The following SLC2A8 variants were observed in gnomAD, a reference collection of about 807,000 sequenced individuals.
SLC2A8 encodes the protein solute carrier family 2 member 8.
Under a neutral mutation model 49.2 loss-of-function variants are expected in SLC2A8, and 53 were observed. The ratio of observed to expected loss-of-function variants is 1.08; its 90% CI spans 0.86 to 1.35. The LOEUF is 1.35. SLC2A8 is among the 40% of genes most tolerant of loss of function. SLC2A8 has a pLI of 0.00. For synonymous variants in SLC2A8, 299 were observed against 297.0 expected (o/e 1.01, Z -0.07); for missense variants, 688 against 671.7 (o/e 1.02, Z -0.27).
intron 4 of SLC2A8, 108 bp downstream of exon 4, chr9:127,400,114 C>T: frequency 1.1e-6 from 1 of 874,424 alleles, no homozygotes; most frequent in Non-Finnish European, 1.8e-6. Flanking sequence ...GGTCACATAG[C>T]CAGTGCCCAA....
chr9:127,397,212 A>T lies in SLC2A8; in HGVS notation c.-19A>T. On this transcript the variant is annotated 5_prime_UTR_variant, in exon 1 of 10. Coordinates refer to ENST00000373371, the MANE Select transcript of SLC2A8 (RefSeq NM_014580.5). ...GCGGTTCAGGCGCCAGAGCTGGCCG[A>T]TCGGCGTTGGCCGCCGACATGACGC... 2.7e-6 allele frequency: 4 copies of T among 1,454,808 alleles called. No homozygotes were observed. Among genetic ancestry groups the T allele is most frequent in the Non-Finnish European group, 2.7e-6 (3 of 1,111,770 alleles). 90.1% of individuals were successfully genotyped at this position (1,454,808 alleles called of 1,614,324 possible).
intron 7 of SLC2A8, chr9:127,404,305 C>T: frequency 2.2e-6 from 1 of 444,534 alleles, no homozygotes; most frequent in East Asian, 3.9e-5. Flanking sequence ...ACTCTCACAG[C>T]CCCAGCTTAT....
At chr9:127,404,365 G>A (rs1833410531) in intron 7 of SLC2A8, 1 of 359,468 alleles carries the variant, frequency 2.8e-6, no homozygotes, top group Non-Finnish European at 5.1e-6. Context: ...GAGTTTGTGG[G>A]TCCTTTTGGA....
At position 127,403,567 on chromosome 9, in the gene SLC2A8, C is replaced by T. The variant is rs114774891; in HGVS notation, c.724-93C>T. 3,579 of 1,473,128 alleles carry T rather than the reference C, an allele frequency of 2.4e-3. 71 individuals are homozygous for T. In the African/African-American group the frequency reaches 0.044, roughly 18 times the overall value. 91.3% of individuals were successfully genotyped at this position (1,473,128 alleles called of 1,614,324 possible). On this transcript the variant is annotated intron_variant, in intron 5 of 9. Transcript: ENST00000373371. ...TGAGGAGCCAAGACGTGGGAGTCAG[C>T]GCTCCCCAAGCCTTAGGACAGTAGA...
rs754200885 is a variant in SLC2A8, at chr9:127,402,628, T to G, written c.598T>G (p.Cys200Gly). 7 of 1,598,188 alleles carry G rather than the reference T, an allele frequency of 4.4e-6. No individual in the cohort carries two copies. Among genetic ancestry groups the G allele is most frequent in the Middle Eastern group, 4.0e-4 (2 of 5,058 alleles). Residue 200 changes from cysteine (C) to glycine (G), a missense_variant, in exon 5 of 10, where the codon TGC becomes GGC. Transcript: ENST00000373371. Reference sequence around the variant, plus strand: ...CCCCTCCCTCATGCTGCTTCTCATGTGCTTCATGCCCGAGACCCCGCGCTT... The same window carrying G: ...CCCCTCCCTCATGCTGCTTCTCATGGGCTTCATGCCCGAGACCCCGCGCTT... Reference protein sequence around the residue: ...VPPSLMLLLMCFMPETPRFLL... With the variant: ...VPPSLMLLLMGFMPETPRFLL...
rs375422497 is a variant in SLC2A8 at position 127,397,998 on chromosome 9, G to T, written c.313G>T (p.Val105Leu). 6 of 1,557,356 alleles carry T rather than the reference G, an allele frequency of 3.9e-6. No homozygotes were observed. The highest frequency in any genetic ancestry group is 5.2e-6 in the Non-Finnish European group (6 of 1,158,616). The change falls in exon 3 of 10, where the codon GTG (valine) becomes TTG (leucine). Residue 105 changes from valine (V) to leucine (L), a missense_variant. Val to Leu is a conservative substitution (Grantham distance 32). Transcript: ENST00000373371. Reference protein sequence around the residue: ...GRKLSLLLCSVPFVAGFAVIT... With the variant: ...GRKLSLLLCSLPFVAGFAVIT... ...CAAGCTGAGCCTCTTGCTGTGCTCC[G>T]TGCCCTTCGTGGCCGGCTTTGCCGT...
intron 9 of SLC2A8, chr9:127,406,048 G>A (rs374791569): frequency 1.5e-5 from 8 of 518,982 alleles, no homozygotes; most frequent in Admixed American, 9.7e-5. Flanking sequence ...GCCTTCTCAC[G>A]GATGGACTGG....
At position 127,404,977 on chromosome 9, in the gene SLC2A8, G is replaced by A. The variant is rs1460143974; in HGVS notation, c.1136G>A (p.Cys379Tyr). 4 of 1,603,856 alleles carry A rather than the reference G, an allele frequency of 2.5e-6. No individual in the cohort carries two copies. Among genetic ancestry groups the A allele is most frequent in the Non-Finnish European group, 3.4e-6 (4 of 1,175,722 alleles). Residue 379 changes from cysteine (C) to tyrosine (Y), a missense_variant, in exon 8 of 10, where the codon TGC becomes TAC. By Grantham distance (194) the Cys-to-Tyr change is radical (BLOSUM62 -2). Coordinates refer to ENST00000373371, the MANE Select transcript of SLC2A8 (RefSeq NM_014580.5). The part of the protein sequence containing the change: ...GLAWLAVGSM[C>Y]LFIAGFAVGW... ...GCCTGGCTGGCCGTGGGCAGCATGT[G>A]CCTCTTCATCGCCGGTAAGGGGGCC... is the stretch of plus-strand genomic sequence containing the variant.
rs991253566 is a variant in SLC2A8, at chr9:127,407,775, C to A, written c.*526C>A. The A allele has an allele frequency of 4.2e-5, 7 of 165,256 alleles. No homozygotes were observed. The highest frequency in any genetic ancestry group is 1.7e-4 in the African/African-American group (7 of 41,818). 10.2% of individuals were successfully genotyped at this position (165,256 alleles called of 1,614,324 possible). On this transcript the variant is annotated 3_prime_UTR_variant, in exon 10 of 10. Transcript: ENST00000373371. ...CTTGCTCATGGTCAGCCAAGCTTAC[C>A]CTTCACACTGAGAAGTCATTTCTGG...
intron 4 of SLC2A8, among the ~76,000 whole-genome samples, chr9:127,401,997 G>A (rs774514760): frequency 4.6e-5 from 7 of 152,130 alleles, no homozygotes; most frequent in Non-Finnish European, 7.4e-5. Flanking sequence ...TTCTTCATAC[G>A]TCAAGACAGC....
chr9:127,403,407 T>C, intron 5 of SLC2A8: 1 of 562,112 alleles, frequency 1.8e-6, no homozygotes. Flanking sequence ...AGCAGCTTGC[T>C]CTTTGCCCAG....
chr9:127,400,400 G>C (rs932793368), intron 4 of SLC2A8, among the ~76,000 whole-genome samples: 1 of 151,794 alleles, frequency 6.6e-6, no homozygotes, highest in African/African-American at 2.4e-5. Context: ...CTCATGAACC[G>C]CCAAACCTCA....
In SLC2A8 at chr9:127,399,982, G is replaced by T; in HGVS notation, c.502G>T (p.Gly168Cys). 1.9e-6 allele frequency: 3 copies of T among 1,613,608 alleles called. No homozygotes were observed. Among genetic ancestry groups the T allele is most frequent in the Non-Finnish European group, 2.5e-6 (3 of 1,179,742 alleles). Reference sequence around the variant, plus strand: ...CTGTGTGCAGCTAATGGTCGTCGTCGGCATCCTCCTGGCCTACCTGGCAGG... The same window carrying T: ...CTGTGTGCAGCTAATGGTCGTCGTCTGCATCCTCCTGGCCTACCTGGCAGG... ...GSCVQLMVVV[G>C]ILLAYLAGWV... Residue 168 changes from glycine to cysteine, a missense_variant, in exon 4 of 10, where the codon GGC (glycine) becomes TGC (cysteine). Physicochemically the swap from Gly to Cys is radical, Grantham distance 159. Coordinates refer to ENST00000373371, the MANE Select transcript of SLC2A8 (RefSeq NM_014580.5). The surrounding 1 kb of genome is among the most constrained non-coding windows in gnomAD (Gnocchi z 4.2).
rs565586894 is a variant in SLC2A8 at position 127,397,372 on chromosome 9, C to T, written c.57-4C>T. 9.7e-4 allele frequency: 1,423 copies of T among 1,463,340 alleles called. 5 individuals are homozygous for T. Among genetic ancestry groups the T allele is most frequent in the Non-Finnish European group, 1.2e-3 (1,348 of 1,116,272 alleles). 90.6% of individuals were successfully genotyped at this position (1,463,340 alleles called of 1,614,324 possible). On this transcript the variant is annotated splice_region_variant and splice_polypyrimidine_tract_variant and intron_variant, in intron 1 of 9. Coordinates refer to ENST00000373371, the MANE Select transcript of SLC2A8 (RefSeq NM_014580.5). ...TCCGCTCACCCTCGGCCCTGTCCCC[C>T]CAGCGCGCCCCGCGGCCGCCGCGTC...
chr9:127,398,145 C>T (rs750159111), intron 3 of SLC2A8, 34 bp downstream of exon 3: 8 of 1,549,864 alleles, frequency 5.2e-6, no homozygotes, highest in South Asian at 2.4e-5. Flanking sequence ...TCCTGTCTCG[C>T]GGCCTGAGAC....
At chr9:127,402,255 T>A in intron 4 of SLC2A8, 1 of 356,502 alleles carries the variant, frequency 2.8e-6, no homozygotes, top group Non-Finnish European at 5.1e-6. Context: ...CATCATACCA[T>A]GCGGACACGC....
At chr9:127,402,395 C>T in intron 4 of SLC2A8, 162 bp from the exon 5 acceptor site, 1 of 1,177,314 alleles carries the variant, frequency 8.5e-7, no homozygotes, top group Non-Finnish European at 1.1e-6. Flanking sequence ...TGCCATGTGC[C>T]TTCATGAACA....
intron 4 of SLC2A8, among the ~76,000 whole-genome samples, 160 bp downstream of exon 4, chr9:127,400,166 C>CTTTTTTTTTTT (rs796202714): frequency 6.0e-5 from 7 of 116,834 alleles, no homozygotes; most frequent in Admixed American, 3.4e-4. Context: ...ATAGGTGAGT[C>CTTTTTTTTTTT]TTTTTTTTTT....
intron 9 of SLC2A8, 26 bp downstream of exon 9, chr9:127,405,591 C>T (rs532147786): frequency 1.5e-5 from 24 of 1,612,122 alleles, no homozygotes; most frequent in Middle Eastern, 1.7e-4. Flanking sequence ...ACCAGCACCG[C>T]GTTCGTGCAG....
Sources: gnomAD v4.1 joint callset for allele counts (sites outside exome capture counted in the v4.1 genomes callset) on GRCh38, gnomAD v4.1.1 for gene constraint, Gnocchi (gnomAD v3.1) non-coding constraint, MANE v1.5 for transcripts, NCBI Gene and HGNC (gene_info 2026-07-23, HGNC 2026-07-21) for gene names.